The following PDE7A variants were observed in gnomAD, a reference collection of about 807,000 sequenced individuals.
The protein encoded by PDE7A is phosphodiesterase 7A.
In PDE7A, 39 loss-of-function variants were observed where a neutral mutation model predicts 64.3. The observed-to-expected ratio is 0.61, with a 90% confidence interval of 0.47 to 0.79. PDE7A has a LOEUF of 0.79. PDE7A is among the 30% of genes least tolerant of loss of function. The pLI is 0.00. For synonymous variants in PDE7A, 203 were observed against 206.8 expected, an observed-to-expected ratio of 0.98 and a Z score of 0.16; for missense variants, 470 against 582.8, an observed-to-expected ratio of 0.81 and a Z score of 1.99.
chr8:65,735,270 C>T (rs1465438766), intron 6 of PDE7A, among the ~76,000 whole-genome samples: 1 of 152,140 alleles, frequency 6.6e-6, no homozygotes, highest in East Asian at 1.9e-4. Context: ...TCTGCACTTG[C>T]TTCCGTCCCA....
Position 65,828,585 on chromosome 8 carries a change from A to G in PDE7A, c.138+12786T>C, listed in dbSNP as rs1024785309. Among the ~76,000 whole-genome samples the G allele has an allele frequency of 3.3e-5, 5 of 152,116 alleles. No homozygotes were observed. In the South Asian group the frequency reaches 6.2e-4, roughly 19 times the overall value. On this transcript the variant is annotated intron_variant, in intron 1 of 12. Transcript: ENST00000401827. ...ACATATATCTTAGCAAAGTTTTGCA[A>G]TTGCCCCTTTGGACAAATTCCAGGA...
Position 65,761,837 on chromosome 8 carries a change from C to A in PDE7A, c.284-14034G>T, listed in dbSNP as rs144174876. 9.7e-3 allele frequency among the ~76,000 whole-genome samples: 1,481 copies of A among 152,278 alleles called. 17 individuals are homozygous for A. The highest frequency in any genetic ancestry group is 0.034 in the Middle Eastern group (10 of 294). ...TTAGAAAGTAGACAGGAAATACAAGCCCCAGGTCAAGGAAACAAGCGCTGA... is the reference window on the plus strand; with the variant it reads ...TTAGAAAGTAGACAGGAAATACAAGACCCAGGTCAAGGAAACAAGCGCTGA... On this transcript the variant is annotated intron_variant, in intron 3 of 12. Transcript: ENST00000401827.
At chr8:65,733,188 A>C (rs1014277625) in intron 7 of PDE7A, among the ~76,000 whole-genome samples, 1 of 152,192 alleles carries the variant, frequency 6.6e-6, no homozygotes, top group Non-Finnish European at 1.5e-5. Context: ...AAAGTGTTCA[A>C]AATCATGTTT....
intron 12 of PDE7A, 57 bp downstream of exon 12, chr8:65,723,484 T>C (rs780601058): frequency 7.4e-7 from 1 of 1,347,820 alleles, no homozygotes; most frequent in South Asian, 2.1e-5. Flanking sequence ...ATATTTCCCT[T>C]CTTGATAAAA....
chr8:65,804,898 T>C (rs1585931642), intron 1 of PDE7A, among the ~76,000 whole-genome samples: 3 of 152,110 alleles, frequency 2.0e-5, no homozygotes, highest in Admixed American at 2.0e-4. Context: ...AGTACAGTAG[T>C]GTGATCAAGG....
chr8:65,733,505 C>A (rs1023843372), intron 7 of PDE7A, among the ~76,000 whole-genome samples: 5 of 151,884 alleles, frequency 3.3e-5, no homozygotes, highest in Admixed American at 6.6e-5. Flanking sequence ...CCTGTCTCTA[C>A]AAAAAATTTA....
chr8:65,779,646 C>T, intron 3 of PDE7A, 74 bp downstream of exon 3: 2 of 763,362 alleles, frequency 2.6e-6, no homozygotes, highest in Non-Finnish European at 4.3e-6. Context: ...TATTCTTTTT[C>T]CCTTGGAAAA....
chr8:65,775,710 C>T (rs1224029232), intron 3 of PDE7A, among the ~76,000 whole-genome samples: 4 of 152,204 alleles, frequency 2.6e-5, no homozygotes, highest in Non-Finnish European at 5.9e-5. Context: ...TAACTGCAAC[C>T]TCCGCCTCCC....
chr8:65,721,032 C>A (rs1806355357), intron 12 of PDE7A, among the ~76,000 whole-genome samples: 1 of 152,222 alleles, frequency 6.6e-6, no homozygotes, highest in South Asian at 2.1e-4. Context: ...GCTATCACTT[C>A]TGGCTCTACG....
intron 1 of PDE7A, among the ~76,000 whole-genome samples, chr8:65,837,733 T>G (rs115586028): frequency 1.3e-5 from 2 of 152,218 alleles, no homozygotes; most frequent in East Asian, 3.8e-4. Flanking sequence ...CTTACACAAA[T>G]GTACTTAACA....
At chr8:65,753,402 C>G (rs1808060715) in intron 3 of PDE7A, among the ~76,000 whole-genome samples, 1 of 152,172 alleles carries the variant, frequency 6.6e-6, no homozygotes, top group Non-Finnish European at 1.5e-5. Flanking sequence ...TGCTATTTCT[C>G]TAAACCATAC....
intron 3 of PDE7A, among the ~76,000 whole-genome samples, chr8:65,755,032 T>C (rs1178610417): frequency 6.6e-6 from 1 of 151,092 alleles, no homozygotes; most frequent in Admixed American, 6.6e-5. Flanking sequence ...TTATTTTTTT[T>C]TTTTTTGAGA....
chr8:65,794,978 G>A (rs1043576109), intron 1 of PDE7A, among the ~76,000 whole-genome samples: 6 of 152,186 alleles, frequency 3.9e-5, no homozygotes, highest in African/African-American at 1.4e-4. Context: ...AGCTTGTCAG[G>A]TACAGGCAGT....
intron 3 of PDE7A, among the ~76,000 whole-genome samples, chr8:65,758,960 C>T (rs377061120): frequency 1.6e-4 from 25 of 152,220 alleles, no homozygotes; most frequent in South Asian, 2.1e-4. Context: ...GTCTCTCTTG[C>T]GGAGAAACAG....
At chr8:65,760,920 A>G (rs1260651351) in intron 3 of PDE7A, among the ~76,000 whole-genome samples, 1 of 115,764 alleles carries the variant, frequency 8.6e-6, no homozygotes, top group African/African-American at 3.3e-5. Context: ...ATCATTTAGG[A>G]ATACAGGAGA....
Position 65,745,483 on chromosome 8 carries a change from C to T in PDE7A, c.436-13G>A. On this transcript the variant is annotated splice_polypyrimidine_tract_variant and intron_variant, in intron 4 of 12. Transcript: ENST00000401827. ...TTTCCAGCATACACTGAAATGAAAA[C>T]CAAACATTTCTACTGTAATTTAATT... 2 of 1,434,250 alleles carry T rather than the reference C, an allele frequency of 1.4e-6. No individual in the cohort carries two copies. The highest frequency in any genetic ancestry group is 1.4e-5 in the African/African-American group (1 of 71,568). 88.8% of individuals were successfully genotyped at this position (1,434,250 alleles called of 1,614,324 possible).
intron 1 of PDE7A, among the ~76,000 whole-genome samples, chr8:65,793,737 AAAAG>A (rs2128926573): frequency 6.6e-6 from 1 of 152,352 alleles, no homozygotes; most frequent in East Asian, 1.9e-4. Flanking sequence ...CAAAGAAACA[AAAAG>A]AAAGACAGAA....
chr8:65,834,459 C>G (rs948307933), intron 1 of PDE7A, among the ~76,000 whole-genome samples: 1 of 152,032 alleles, frequency 6.6e-6, no homozygotes, highest in African/African-American at 2.4e-5. Context: ...TTTTTGACTG[C>G]ACGGGGAGTT....
intron 3 of PDE7A, among the ~76,000 whole-genome samples, chr8:65,771,884 C>CAA (rs36101490): frequency 0.15 from 8,387 of 55,260 alleles, 679 homozygotes; most frequent in Non-Finnish European, 0.18. Context: ...CTCCATCTCT[C>CAA]AAAAAAAAAA....
Sources: gnomAD v4.1 joint callset for allele counts (sites outside exome capture counted in the v4.1 genomes callset) on GRCh38, gnomAD v4.1.1 for gene constraint, MANE v1.5 for transcripts, NCBI Gene and HGNC (gene_info 2026-07-23, HGNC 2026-07-21) for gene names.